PKIA: variants seen among roughly 807,000 people sequenced by gnomAD.
PKIA encodes cAMP-dependent protein kinase inhibitor alpha, also known as PKI-alpha.
A neutral mutation model predicts 7.6 loss-of-function variants in PKIA; 4 were observed. That is an observed-to-expected ratio of 0.52 (90% CI 0.26 to 1.20). PKIA has a LOEUF of 1.20. PKIA is among the 50% of genes most tolerant of loss of function. The pLI is 0.13. For synonymous variants in PKIA, 21 were observed against 30.7 expected (o/e 0.68, Z 1.04); for missense variants, 73 against 86.2 (o/e 0.85, Z 0.61).
At chr8:78,573,246 T>C (rs1440983121) in intron 2 of PKIA, among the ~76,000 whole-genome samples, 1 of 152,100 alleles carries the variant, frequency 6.6e-6, no homozygotes, top group Non-Finnish European at 1.5e-5. Flanking sequence ...GTATTTTCTT[T>C]TAAAACAAAT....
chr8:78,598,288 T>C, intron 2 of PKIA, 70 bp from the exon 3 acceptor site: 3 of 905,984 alleles, frequency 3.3e-6, no homozygotes, highest in Non-Finnish European at 1.7e-6. Context: ...ATTCATATAC[T>C]AAGTCGGTAG....
rs373067660 is a variant in PKIA at position 78,531,639 on chromosome 8, A to G, written c.-157+15171A>G. 8.7e-4 allele frequency among the ~76,000 whole-genome samples: 133 copies of G among 152,242 alleles called. 2 individuals carry two copies. Among genetic ancestry groups the G allele is most frequent in the Middle Eastern group, 6.8e-3 (2 of 294 alleles). Reference sequence around the variant, plus strand: ...AATTGAGTAAAGTACCTGTAGTCACACAGCTAATAAAGCACACAGATAGGA... The same window carrying G: ...AATTGAGTAAAGTACCTGTAGTCACGCAGCTAATAAAGCACACAGATAGGA... On this transcript the variant is annotated intron_variant, in intron 1 of 3. Coordinates refer to ENST00000396418, the MANE Select transcript of PKIA (RefSeq NM_006823.4).
chr8:78,576,023 C>T (rs117654982), intron 2 of PKIA, among the ~76,000 whole-genome samples: 162 of 152,082 alleles, frequency 1.1e-3, no homozygotes, highest in Non-Finnish European at 1.6e-3. Context: ...GCTGTTTGCA[C>T]GCATCCCTGG....
intron 2 of PKIA, among the ~76,000 whole-genome samples, chr8:78,581,655 G>A (rs902165202): frequency 6.6e-6 from 1 of 152,052 alleles, no homozygotes; most frequent in Non-Finnish European, 1.5e-5. Context: ...TAACTAGTCT[G>A]TATCTTTAAA....
chr8:78,558,959 T>A (rs931665402), intron 1 of PKIA, among the ~76,000 whole-genome samples: 3 of 152,212 alleles, frequency 2.0e-5, no homozygotes, highest in African/African-American at 7.2e-5. Flanking sequence ...CCTTGCTCTG[T>A]TGCCCAGGCT....
intron 1 of PKIA, among the ~76,000 whole-genome samples, chr8:78,564,589 G>A (rs1406888976): frequency 6.6e-6 from 1 of 151,800 alleles, no homozygotes; most frequent in Non-Finnish European, 1.5e-5. Flanking sequence ...TGTCTAGTAA[G>A]ATAAAAGTGG....
chr8:78,519,473 A>C (rs1341715765), intron 1 of PKIA, among the ~76,000 whole-genome samples: 1 of 152,122 alleles, frequency 6.6e-6, no homozygotes, highest in Non-Finnish European at 1.5e-5. Flanking sequence ...AAAGTTCAGA[A>C]ATGTTGAAAT....
At chr8:78,563,442 C>G (rs1181311239) in intron 1 of PKIA, among the ~76,000 whole-genome samples, 3 of 151,870 alleles carry the variant, frequency 2.0e-5, no homozygotes, top group Admixed American at 6.6e-5. Context: ...GTAAATGGAA[C>G]TAACAAAATA....
chr8:78,572,877 A>G lies in PKIA; in HGVS notation c.-90A>G, dbSNP rs1455706979. 3 of 152,042 alleles carry G rather than the reference A, an allele frequency of 2.0e-5. No individual in the cohort carries two copies. Among genetic ancestry groups the G allele is most frequent in the Non-Finnish European group, 2.9e-5 (2 of 67,988 alleles). 9.4% of individuals were successfully genotyped at this position (152,042 alleles called of 1,614,324 possible). On this transcript the variant is annotated 5_prime_UTR_variant, in exon 2 of 4. Coordinates refer to ENST00000396418, the MANE Select transcript of PKIA (RefSeq NM_006823.4). ...GATTTCTGATAGAAATCTGAAGGTC[A>G]TCTCCAAGAAAAAAGAGATCTAGTA...
intron 1 of PKIA, among the ~76,000 whole-genome samples, chr8:78,545,299 G>A (rs928591736): frequency 6.6e-6 from 1 of 152,030 alleles, no homozygotes; most frequent in Non-Finnish European, 1.5e-5. Flanking sequence ...GTTACTTTGG[G>A]TAAGAGCTGA....
chr8:78,579,591 A>G (rs1420967554), intron 2 of PKIA, among the ~76,000 whole-genome samples: 1 of 152,078 alleles, frequency 6.6e-6, no homozygotes. Context: ...GCATTTGGTG[A>G]GAGACATTTT....
At chr8:78,559,012 C>A (rs1267767789) in intron 1 of PKIA, among the ~76,000 whole-genome samples, 1 of 152,162 alleles carries the variant, frequency 6.6e-6, no homozygotes, top group African/African-American at 2.4e-5. Context: ...ACCTCCGCCT[C>A]CTGGGTTCCA....
chr8:78,543,722 T>A (rs891863824), intron 1 of PKIA, among the ~76,000 whole-genome samples: 1 of 152,172 alleles, frequency 6.6e-6, no homozygotes, highest in African/African-American at 2.4e-5. Context: ...TGGAGATTGT[T>A]TTCCAATGCT....
At chr8:78,517,617 T>C (rs1809340088) in intron 1 of PKIA, among the ~76,000 whole-genome samples, 1 of 152,192 alleles carries the variant, frequency 6.6e-6, no homozygotes, top group South Asian at 2.1e-4. Context: ...AGCTGCCCAA[T>C]CTAAGCCTCT....
chr8:78,551,913 T>C (rs1173282283), intron 1 of PKIA, among the ~76,000 whole-genome samples: 4 of 152,026 alleles, frequency 2.6e-5, no homozygotes, highest in Non-Finnish European at 5.9e-5. Flanking sequence ...CAGATGTGCA[T>C]TGAGAATGCT....
intron 1 of PKIA, among the ~76,000 whole-genome samples, chr8:78,556,125 A>G (rs1211533529): frequency 6.6e-6 from 1 of 152,108 alleles, no homozygotes; most frequent in Non-Finnish European, 1.5e-5. Flanking sequence ...CTTTTTATTC[A>G]GTTACCAAAA....
intron 1 of PKIA, chr8:78,534,859 C>T (rs897819904): frequency 4.6e-5 from 7 of 152,190 alleles, no homozygotes; most frequent in Admixed American, 6.5e-5. Context: ...ATTCTTGAGA[C>T]GTAATAATAG....
intron 1 of PKIA, among the ~76,000 whole-genome samples, chr8:78,560,008 G>A (rs899130211): frequency 6.6e-6 from 1 of 152,026 alleles, no homozygotes; most frequent in African/African-American, 2.4e-5. Context: ...TTATATATAT[G>A]CTACTTTCAT....
intron 1 of PKIA, among the ~76,000 whole-genome samples, chr8:78,522,158 A>G (rs891291855): frequency 2.6e-5 from 4 of 151,976 alleles, no homozygotes; most frequent in African/African-American, 9.7e-5. Flanking sequence ...TGTCTATTAC[A>G]TTAAACATGG....
Sources: gnomAD v4.1 joint callset for allele counts (sites outside exome capture counted in the v4.1 genomes callset) on GRCh38, gnomAD v4.1.1 for gene constraint, MANE v1.5 for transcripts, NCBI Gene and HGNC (gene_info 2026-07-23, HGNC 2026-07-21) for gene names.